NKAIN2: variants seen among roughly 807,000 people sequenced by gnomAD.
NKAIN2 encodes sodium/potassium-transporting ATPase subunit beta-1-interacting protein 2.
Under a neutral mutation model 32.6 loss-of-function variants are expected in NKAIN2, and 14 were observed. That is an observed-to-expected ratio of 0.43 (90% CI 0.28 to 0.67). The LOEUF is 0.67. NKAIN2 is among the 30% of genes least tolerant of loss of function. The pLI is 0.17. For synonymous variants in NKAIN2, 80 were observed against 87.2 expected, an observed-to-expected ratio of 0.92 and a Z score of 0.46; for missense variants, 198 against 258.3, an observed-to-expected ratio of 0.77 and a Z score of 1.60.
intron 1 of NKAIN2, among the ~76,000 whole-genome samples, chr6:124,176,920 C>G (rs1175503840): frequency 3.3e-5 from 5 of 151,944 alleles, no homozygotes; most frequent in Non-Finnish European, 2.9e-5. Context: ...TTTTACCCAT[C>G]TTATGTCTTG....
intron 4 of NKAIN2, among the ~76,000 whole-genome samples, chr6:124,770,504 A>G (rs946348007): frequency 4.6e-5 from 7 of 152,176 alleles, no homozygotes; most frequent in Non-Finnish European, 1.0e-4. Flanking sequence ...GGAGAGAGAT[A>G]TTAAGGGTTT....
chr6:124,246,117 T>C (rs1793381974), intron 1 of NKAIN2, among the ~76,000 whole-genome samples: 1 of 152,108 alleles, frequency 6.6e-6, no homozygotes, highest in Admixed American at 6.6e-5. Context: ...TTTTCTCTGT[T>C]TTAACCATAG....
chr6:124,664,367 T>C (rs1306753504), intron 4 of NKAIN2, among the ~76,000 whole-genome samples: 2 of 152,094 alleles, frequency 1.3e-5, no homozygotes, highest in Non-Finnish European at 2.9e-5. Flanking sequence ...TAATGTTGTT[T>C]TGATCAATTT....
At chr6:124,176,937 T>C (rs1403664446) in intron 1 of NKAIN2, among the ~76,000 whole-genome samples, 1 of 152,124 alleles carries the variant, frequency 6.6e-6, no homozygotes, top group Non-Finnish European at 1.5e-5. Context: ...CTTGCAAAAG[T>C]CTTTCCTAGT....
intron 5 of NKAIN2, among the ~76,000 whole-genome samples, chr6:124,801,437 C>T (rs971731769): frequency 6.6e-6 from 1 of 152,160 alleles, no homozygotes. Flanking sequence ...TTGACTTGCT[C>T]AAAGTTAAAC....
intron 3 of NKAIN2, among the ~76,000 whole-genome samples, chr6:124,586,230 A>G (rs1253879596): frequency 6.6e-6 from 1 of 152,222 alleles, no homozygotes; most frequent in African/African-American, 2.4e-5. Context: ...AATGTTTAAA[A>G]TAAAGAAGAA....
At chr6:124,808,166 G>C (rs201200728) in intron 5 of NKAIN2, among the ~76,000 whole-genome samples, 142 of 143,002 alleles carry the variant, frequency 9.9e-4, no homozygotes, top group Admixed American at 1.7e-3. Context: ...CCAAAGCCAG[G>C]CAGAGACACA....
chr6:124,347,800 G>A (rs970462665), intron 2 of NKAIN2, among the ~76,000 whole-genome samples: 3 of 152,176 alleles, frequency 2.0e-5, no homozygotes, highest in African/African-American at 7.2e-5. Flanking sequence ...GTAGCTCGGA[G>A]CAGTTTGATC....
At chr6:124,495,372 T>C (rs918710683) in intron 3 of NKAIN2, among the ~76,000 whole-genome samples, 18 of 152,072 alleles carry the variant, frequency 1.2e-4, no homozygotes, top group African/African-American at 4.3e-4. Flanking sequence ...AAGGGCTTTT[T>C]GTTTGTTTGC....
intron 3 of NKAIN2, among the ~76,000 whole-genome samples, chr6:124,395,948 T>C (rs1315917107): frequency 6.6e-6 from 1 of 152,178 alleles, no homozygotes; most frequent in Non-Finnish European, 1.5e-5. Context: ...CAAATACTTA[T>C]TGAGTGACCA....
chr6:124,583,032 C>A (rs1343020475), intron 3 of NKAIN2, among the ~76,000 whole-genome samples: 2 of 151,838 alleles, frequency 1.3e-5, no homozygotes, highest in Non-Finnish European at 2.9e-5. Flanking sequence ...GGGGAAAAAC[C>A]AAAATCCCTT....
intron 1 of NKAIN2, among the ~76,000 whole-genome samples, chr6:123,911,071 TA>T (rs1286848897): frequency 6.6e-6 from 1 of 152,156 alleles, no homozygotes; most frequent in Non-Finnish European, 1.5e-5. Context: ...CCTAGGTTGC[TA>T]TATTCTCATT....
intron 1 of NKAIN2, among the ~76,000 whole-genome samples, chr6:124,124,050 C>A (rs186292745): frequency 2.6e-5 from 4 of 152,218 alleles, no homozygotes; most frequent in Middle Eastern, 3.4e-3. Context: ...CTAGACGATG[C>A]AGCTATGATG....
chr6:124,496,227 C>T (rs1484768501), intron 3 of NKAIN2, among the ~76,000 whole-genome samples: 4 of 152,156 alleles, frequency 2.6e-5, no homozygotes, highest in Admixed American at 6.5e-5. Context: ...GTATTCCAGC[C>T]ATCAGTCCTT....
chr6:124,247,663 T>C (rs779106671), intron 1 of NKAIN2, among the ~76,000 whole-genome samples: 1 of 152,148 alleles, frequency 6.6e-6, no homozygotes, highest in Admixed American at 6.6e-5. Context: ...GAAGAGTTTT[T>C]TCTTTATCTC....
intron 3 of NKAIN2, among the ~76,000 whole-genome samples, chr6:124,508,595 G>C (rs1204021304): frequency 6.6e-6 from 1 of 151,852 alleles, no homozygotes; most frequent in African/African-American, 2.4e-5. Flanking sequence ...TGCCCGCCTC[G>C]GCCTCCCAAA....
chr6:124,681,998 TAGAA>T (rs1773648121), intron 4 of NKAIN2, among the ~76,000 whole-genome samples: 1 of 151,718 alleles, frequency 6.6e-6, no homozygotes, highest in African/African-American at 2.4e-5. Context: ...GTGAGAAAAA[TAGAA>T]AGAGTAGAGC....
chr6:124,278,098 AG>A lies in NKAIN2; in HGVS notation c.55-4906del, dbSNP rs778599661. 1.5e-3 allele frequency among the ~76,000 whole-genome samples: 232 copies of A among 152,314 alleles called. 6 individuals are homozygous for A. Among genetic ancestry groups the A allele is most frequent in the Admixed American group, 5.9e-4 (9 of 15,298 alleles). ...AAGGAGACCAATTACAGGTCTTACC[AG>A]TTGAGGAAAACTACCTGGAAAAATG... On this transcript the variant is annotated intron_variant, in intron 1 of 6. Transcript: ENST00000368417.
chr6:124,404,146 G>T (rs927406191), intron 3 of NKAIN2, among the ~76,000 whole-genome samples: 2 of 152,040 alleles, frequency 1.3e-5, no homozygotes, highest in Admixed American at 6.6e-5. Context: ...CTTCATCGTG[G>T]ATGTTTATTT....
Sources: gnomAD v4.1 joint callset for allele counts (sites outside exome capture counted in the v4.1 genomes callset) on GRCh38, gnomAD v4.1.1 for gene constraint, MANE v1.5 for transcripts, NCBI Gene and HGNC (gene_info 2026-07-23, HGNC 2026-07-21) for gene names.